SESN3: variants seen among roughly 807,000 people sequenced by gnomAD.
SESN3 encodes the protein sestrin 3.
Under a neutral mutation model 55.3 loss-of-function variants are expected in SESN3, and 21 were observed. The ratio of observed to expected loss-of-function variants is 0.38; its 90% confidence interval spans 0.27 to 0.55. The LOEUF is 0.55. Ranked by LOEUF, SESN3 falls within the 20% of genes least tolerant of loss-of-function variation. The pLI, the probability that SESN3 is intolerant of heterozygous loss-of-function variation, is 0.76. For missense variants in SESN3, 408 were observed against 604.3 expected (o/e 0.68, Z 3.41); for synonymous variants, 181 against 203.1 (o/e 0.89, Z 0.93).
intron 1 of SESN3, among the ~76,000 whole-genome samples, chr11:95,228,526 A>G (rs1860990371): frequency 6.6e-6 from 1 of 152,244 alleles, no homozygotes; most frequent in Non-Finnish European, 1.5e-5. Flanking sequence ...ACTTAGAGTT[A>G]TATCAACAAG....
intron 1 of SESN3, among the ~76,000 whole-genome samples, chr11:95,208,088 C>G (rs1048436370): frequency 6.6e-6 from 1 of 150,866 alleles, no homozygotes; most frequent in Non-Finnish European, 1.5e-5. Context: ...TTTCTTCTTT[C>G]CTTAGTTTTT....
In SESN3 at chr11:95,223,422, A is replaced by G. The variant is rs373710664; in HGVS notation, c.78+7361T>C. On this transcript the variant is annotated intron_variant, in intron 1 of 9. Transcript: ENST00000536441. ...AACCAATCAATTTGGTATAATGGAC[A>G]TAATTTTTGGATTTGACCTTTCTTC... 1.8e-4 allele frequency among the ~76,000 whole-genome samples: 28 copies of G among 152,322 alleles called. No homozygotes were observed. The East Asian group carries it at 2.9e-3, about 16-fold the overall frequency.
At chr11:95,176,120 A>G (rs1859950819) in intron 8 of SESN3, among the ~76,000 whole-genome samples, 1 of 152,190 alleles carries the variant, frequency 6.6e-6, no homozygotes, top group African/African-American at 2.4e-5. Flanking sequence ...ACTGAGTCCC[A>G]TGCTGCCAAA....
chr11:95,189,422 C>T (rs569508805), intron 4 of SESN3, among the ~76,000 whole-genome samples: 46 of 151,964 alleles, frequency 3.0e-4, no homozygotes, highest in Admixed American at 9.9e-4. Context: ...TCCCTCATTC[C>T]GTAGAAGGGA....
intron 9 of SESN3, among the ~76,000 whole-genome samples, chr11:95,173,801 G>C (rs1859901003): frequency 6.6e-6 from 1 of 151,988 alleles, no homozygotes; most frequent in East Asian, 1.9e-4. Flanking sequence ...TAAAGTTTCT[G>C]ATTAGTGTTT....
Position 95,191,465 on chromosome 11 carries a change from A to G in SESN3, c.281T>C (p.Phe94Ser). 1 of 1,613,036 alleles carries G rather than the reference A, an allele frequency of 6.2e-7. No individual in the cohort carries two copies. The highest frequency in any genetic ancestry group is 8.5e-7 in the Non-Finnish European group (1 of 1,179,294). The part of the protein sequence containing the change: ...QYLESFLRSQ[F>S]YMLRMDGPLP... ...GGGACCATCCATGCGCAACATGTAA[A>G]ACTGGCTCCGCAAGAAAGACTCCAG... Residue 94 changes from phenylalanine to serine, a missense_variant, in exon 3 of 10, where the codon TTT (phenylalanine) becomes TCT (serine). By Grantham distance (155) the Phe-to-Ser change is radical. Around this residue, in one of 4 missense-constraint regions of SESN3, gnomAD observed 107 missense variants for 211.3 expected, o/e 0.51. Coordinates refer to ENST00000536441, the MANE Select transcript of SESN3 (RefSeq NM_144665.4).
intron 5 of SESN3, 67 bp downstream of exon 5, chr11:95,185,189 T>G (rs759421878): frequency 7.9e-6 from 7 of 889,112 alleles, no homozygotes; most frequent in Non-Finnish European, 9.1e-6. Context: ...AAAAATTCTC[T>G]CTAGATATTT....
chr11:95,168,356 TA>T lies in SESN3; in HGVS notation c.*4898del, dbSNP rs1233984808. 1 of 152,234 alleles carries T rather than the reference TA, an allele frequency of 6.6e-6. No homozygotes were observed. Among genetic ancestry groups the T allele is most frequent in the African/African-American group, 2.4e-5 (1 of 41,460 alleles). 9.4% of individuals were successfully genotyped at this position (152,234 alleles called of 1,614,324 possible). A position where few individuals can be genotyped will look rare whatever the true frequency, so the allele number is the denominator to read the frequency against. On this transcript the variant is annotated 3_prime_UTR_variant, in exon 10 of 10. Transcript: ENST00000536441. Reference sequence around the variant, plus strand: ...AGTTAGGATGGCAATTCAATCACTTTAAAATCCTGTTATATGCTAAATTCTG... The same window carrying T: ...AGTTAGGATGGCAATTCAATCACTTTAAATCCTGTTATATGCTAAATTCTG...
At chr11:95,221,166 T>C (rs1021484163) in intron 1 of SESN3, among the ~76,000 whole-genome samples, 6 of 151,982 alleles carry the variant, frequency 3.9e-5, no homozygotes, top group African/African-American at 1.2e-4. Context: ...TAGCTGGGTA[T>C]GGTGGTGGGT....
rs1859730368 is a variant in SESN3 at position 95,165,652 on chromosome 11, T to C, written c.*7603A>G. On this transcript the variant is annotated 3_prime_UTR_variant, in exon 10 of 10. Transcript: ENST00000536441. ...CAGTTTAACAAAACCCATTGTTCTGTACCTATAAATAGATTTTCAAAATGT... is the reference window on the plus strand; with the variant it reads ...CAGTTTAACAAAACCCATTGTTCTGCACCTATAAATAGATTTTCAAAATGT... The C allele has an allele frequency of 6.6e-6, 1 of 152,214 alleles. No individual in the cohort carries two copies. The highest frequency in any genetic ancestry group is 2.1e-4 in the South Asian group (1 of 4,836). 9.4% of individuals were successfully genotyped at this position (152,214 alleles called of 1,614,324 possible).
chr11:95,175,353 C>CA (rs1859935583), intron 9 of SESN3, 145 bp downstream of exon 9: 9 of 672,182 alleles, frequency 1.3e-5, no homozygotes, highest in South Asian at 8.2e-5. Flanking sequence ...AACAAACAAG[C>CA]AAAAAAACCC....
chr11:95,223,634 G>C (rs1249192547), intron 1 of SESN3, among the ~76,000 whole-genome samples: 1 of 152,178 alleles, frequency 6.6e-6, no homozygotes, highest in Admixed American at 6.5e-5. Flanking sequence ...GACAGCATCT[G>C]CAAGTGATAC....
intron 1 of SESN3, among the ~76,000 whole-genome samples, chr11:95,197,054 TACAGTCC>T (rs1201259952): frequency 1.3e-5 from 2 of 152,184 alleles, no homozygotes; most frequent in Non-Finnish European, 2.9e-5. Context: ...CTGCTTACAT[TACAGTCC>T]CCAGAAAAGT....
Position 95,191,536 on chromosome 11 carries a change from A to G in SESN3, c.210T>C (p.Gly70=). 1 of 1,612,992 alleles carries G rather than the reference A, an allele frequency of 6.2e-7. No individual in the cohort carries two copies. The highest frequency in any genetic ancestry group is 8.5e-7 in the Non-Finnish European group (1 of 1,179,292). ...NFLVEEYSTS[G]RLDNITQVMS... The stretch of plus-strand genomic sequence containing the variant: ...TGACCTGTGTGATGTTGTCCAGACG[A>G]CCGGATGTAGAGTATTCTTCCACAA... Residue 70 remains glycine (G), a synonymous_variant, in exon 3 of 10, where the codon GGT becomes GGC. Transcript: ENST00000536441.
intron 1 of SESN3, among the ~76,000 whole-genome samples, chr11:95,205,212 C>T (rs1314415958): frequency 2.6e-5 from 4 of 151,930 alleles, no homozygotes; most frequent in Non-Finnish European, 5.9e-5. Context: ...GAGACATAGG[C>T]AAGAGTCACA....
chr11:95,183,378 AG>A (rs1860090962), intron 6 of SESN3, among the ~76,000 whole-genome samples: 1 of 152,168 alleles, frequency 6.6e-6, no homozygotes. Context: ...AATGATAAAA[AG>A]GGTTCTTGTT....
Position 95,168,462 on chromosome 11 carries a change from GATTT to G in SESN3, c.*4789_*4792del, listed in dbSNP as rs1338453533. 6.6e-6 allele frequency: 1 copy of G among 152,134 alleles called. No homozygotes were observed. Among genetic ancestry groups the G allele is most frequent in the Non-Finnish European group, 1.5e-5 (1 of 68,036 alleles). The allele number at this position is 152,134 out of a possible 1,614,324, so 9.4% of individuals were successfully genotyped here. On this transcript the variant is annotated 3_prime_UTR_variant, in exon 10 of 10. Transcript: ENST00000536441. ...TTGATAGAAGGCAAAAATCTTTTATGATTTATTTAAAATATGGAAGTTGTATTAC... is the reference window on the plus strand; with the variant it reads ...TTGATAGAAGGCAAAAATCTTTTATGATTTAAAATATGGAAGTTGTATTAC...
upstream of SESN3, chr11:95,232,254 T>C (rs1192695714): frequency 6.6e-6 from 1 of 152,284 alleles, no homozygotes; most frequent in Non-Finnish European, 1.5e-5. Context: ...TGACCGAGTG[T>C]GGCGGGACAG....
intron 6 of SESN3, 95 bp from the exon 7 acceptor site, chr11:95,178,923 C>A: frequency 1.5e-6 from 1 of 671,696 alleles, no homozygotes; most frequent in South Asian, 2.1e-5. Context: ...TTAGCTTTTC[C>A]ATGGATTTCT....
Sources: allele counts gnomAD v4.1 joint callset (sites outside exome capture counted in the v4.1 genomes callset), GRCh38; gene constraint gnomAD v4.1.1; regional missense constraint gnomAD v4.1.1; transcripts MANE v1.5; gene names NCBI Gene and HGNC (gene_info 2026-07-23, HGNC 2026-07-21).